The following CLEC12A variants were observed in gnomAD, a reference collection of about 807,000 sequenced individuals.
CLEC12A encodes the protein C-type lectin domain family 12 member A, also known as C-type lectin protein CLL-1.
CLEC12A carries 22 observed loss-of-function variants against 26.5 expected under a neutral mutation model. The observed-to-expected ratio is 0.83, with a 90% CI of 0.59 to 1.19. The LOEUF (loss-of-function observed/expected upper bound fraction) is 1.19, where lower values mean the gene tolerates loss of function less well. Ranked by LOEUF, CLEC12A falls within the 50% of genes most tolerant of loss-of-function variation. The pLI, the probability that CLEC12A is intolerant of heterozygous loss-of-function variation, is 0.00. For missense variants in CLEC12A, 353 were observed against 315.6 expected (o/e 1.12, Z -0.90); for synonymous variants, 119 against 101.9 (o/e 1.17, Z -1.01).
chr12:9,959,845 G>A lies in CLEC12A; in HGVS notation c.10+8489G>A, dbSNP rs145571385. ...ATTAGCTCTTAGCCCCTTTCAAAAT[G>A]TTTACTTGGAGACTGTTTTCCTGGA... is the stretch of plus-strand genomic sequence containing the variant. On this transcript the variant is annotated intron_variant, in intron 1 of 6. Transcript: ENST00000355690. 2.2e-3 allele frequency among the ~76,000 whole-genome samples: 331 copies of A among 152,258 alleles called. 1 individual carries two copies. Among genetic ancestry groups the A allele is most frequent in the Admixed American group, 4.2e-3 (64 of 15,300 alleles).
chr12:9,976,541 GTAAC>G (rs1310519561), intron 1 of CLEC12A, among the ~76,000 whole-genome samples: 1 of 152,234 alleles, frequency 6.6e-6, no homozygotes, highest in African/African-American at 2.4e-5. Context: ...TATCTAGGAA[GTAAC>G]TAACTTTCTT....
intron 1 of CLEC12A, among the ~76,000 whole-genome samples, chr12:9,963,745 C>G (rs894089227): frequency 1.3e-5 from 2 of 151,942 alleles, no homozygotes; most frequent in Non-Finnish European, 2.9e-5. Context: ...AGACCTTGTG[C>G]GAGGCAAAAC....
At chr12:9,980,354 C>G (rs1022337374) in intron 3 of CLEC12A, among the ~76,000 whole-genome samples, 3 of 150,336 alleles carry the variant, frequency 2.0e-5, no homozygotes, top group Non-Finnish European at 4.4e-5. Context: ...AGGAGAGTCA[C>G]TTGAATCCAG....
chr12:9,962,638 G>A (rs1253757962), intron 1 of CLEC12A, among the ~76,000 whole-genome samples: 3 of 152,140 alleles, frequency 2.0e-5, no homozygotes, highest in African/African-American at 4.8e-5. Flanking sequence ...AGGAGTGGGG[G>A]CCACAAGGTG....
the CLEC12A span, among the ~76,000 whole-genome samples, chr12:10,001,062 T>TACAC: frequency 1.3e-5 from 2 of 152,338 alleles, no homozygotes; most frequent in South Asian, 4.1e-4. Flanking sequence ...CTTAATTTGT[T>TACAC]ACATTAAATC....
intron 1 of CLEC12A, among the ~76,000 whole-genome samples, chr12:9,955,958 G>T (rs922335075): frequency 3.3e-5 from 5 of 152,212 alleles, no homozygotes; most frequent in African/African-American, 9.6e-5. Flanking sequence ...GACCATGACA[G>T]CAGTTAAGGC....
In CLEC12A at chr12:9,984,912, A is replaced by C; in HGVS notation, c.684A>C (p.Gly228=). 1 of 1,578,544 alleles carries C rather than the reference A, an allele frequency of 6.3e-7. No individual in the cohort carries two copies. Among genetic ancestry groups the C allele is most frequent in the Non-Finnish European group, 8.6e-7 (1 of 1,161,648 alleles). ...NAPDLNNMYC[G]YINRLYVQYY... ...CTGACTTAAATAACATGTATTGTGG[A>C]TATATAAATAGACTATATGTTCAAT... The change falls in exon 6 of 6, where the codon GGA becomes GGC. Residue 228 remains glycine (G), a synonymous_variant. Coordinates refer to ENST00000304361, the MANE Select transcript of CLEC12A (RefSeq NM_138337.6).
chr12:9,975,811 A>G (rs1864311551), intron 1 of CLEC12A, among the ~76,000 whole-genome samples: 1 of 152,128 alleles, frequency 6.6e-6, no homozygotes. Context: ...GGAGGAATAA[A>G]TGGTATTATG....
downstream of CLEC12A, chr12:9,999,221 T>A: frequency 1.6e-6 from 1 of 611,594 alleles, no homozygotes; most frequent in Admixed American, 2.7e-5. Flanking sequence ...GGTAGAACCA[T>A]GTGAGATGGG....
intron 5 of CLEC12A, 118 bp from the exon 6 acceptor site, chr12:9,984,752 A>G (rs955730557): frequency 4.5e-6 from 4 of 895,332 alleles, no homozygotes; most frequent in Non-Finnish European, 6.0e-6. Flanking sequence ...AATTAGATTT[A>G]GTTTAAACAA....
At chr12:9,958,005 C>G (rs1370335923) in intron 1 of CLEC12A, among the ~76,000 whole-genome samples, 2 of 152,186 alleles carry the variant, frequency 1.3e-5, no homozygotes, top group Non-Finnish European at 2.9e-5. Context: ...CTCAAGGCTG[C>G]TCATGAAGAA....
Position 9,979,630 on chromosome 12 carries a change from T to C in CLEC12A, c.379+106T>C, listed in dbSNP as rs760581392. 49 of 798,092 alleles carry C rather than the reference T, an allele frequency of 6.1e-5. 1 individual carries two copies. Among genetic ancestry groups the C allele is most frequent in the Non-Finnish European group, 8.8e-5 (46 of 521,620 alleles). 49.4% of individuals were successfully genotyped at this position (798,092 alleles called of 1,614,324 possible). ...CTAGCAGCCTTTCTCTAGGGAGTCA[T>C]AATTTGGGGGAAAGAATTACATGTG... On this transcript the variant is annotated intron_variant, in intron 3 of 5. Transcript: ENST00000304361.
downstream of CLEC12A, among the ~76,000 whole-genome samples, chr12:9,988,914 G>A (rs4611291): frequency 0.38 from 57,511 of 151,984 alleles, 11,705 homozygotes; most frequent in Middle Eastern, 0.46. Flanking sequence ...ACATGCACAT[G>A]TATGTTTATT....
At chr12:9,957,726 C>T (rs1326606576) in intron 1 of CLEC12A, among the ~76,000 whole-genome samples, 3 of 152,146 alleles carry the variant, frequency 2.0e-5, no homozygotes, top group Non-Finnish European at 2.9e-5. Flanking sequence ...AGAGGGTTGA[C>T]TTCAAGTTCT....
downstream of CLEC12A, chr12:9,999,233 C>T (rs1222168287): frequency 5.4e-6 from 3 of 558,156 alleles, no homozygotes; most frequent in Middle Eastern, 2.7e-4. Context: ...TGAGATGGGA[C>T]ACATTTGTTT....
chr12:9,968,516 A>T (rs928149874), upstream of CLEC12A, among the ~76,000 whole-genome samples: 1 of 152,266 alleles, frequency 6.6e-6, no homozygotes, highest in Admixed American at 6.5e-5. Flanking sequence ...ATGAGCCAGG[A>T]GAAGGAATTT....
At chr12:9,961,833 TCTA>T (rs1262013110) in intron 1 of CLEC12A, among the ~76,000 whole-genome samples, 1 of 152,188 alleles carries the variant, frequency 6.6e-6, no homozygotes, top group African/African-American at 2.4e-5. Context: ...TTTCAATAAA[TCTA>T]CTCTTCACCA....
intron 5 of CLEC12A, among the ~76,000 whole-genome samples, chr12:9,984,665 A>T (rs1045710921): frequency 2.6e-5 from 4 of 152,202 alleles, no homozygotes; most frequent in Non-Finnish European, 5.9e-5. Flanking sequence ...AAGCAGGGAG[A>T]AATGAAGCAG....
At chr12:9,990,510 T>C (rs891402695), downstream of CLEC12A, among the ~76,000 whole-genome samples, 6 of 152,216 alleles carry the variant, frequency 3.9e-5, no homozygotes, top group African/African-American at 7.2e-5. Flanking sequence ...TGTGGCTGAA[T>C]TGATGCAATT....
Sources: allele counts gnomAD v4.1 joint callset (sites outside exome capture counted in the v4.1 genomes callset), GRCh38; gene constraint gnomAD v4.1.1; transcripts MANE v1.5; gene names NCBI Gene and HGNC (gene_info 2026-07-23, HGNC 2026-07-21).